The following ZNF638 variants were observed in gnomAD, a reference collection of about 807,000 sequenced individuals.
ZNF638 encodes CTCL tumor antigen se33-1.
ZNF638 carries 46 observed loss-of-function variants against 195.6 expected under a neutral mutation model. The observed-to-expected ratio is 0.24, with a 90% CI of 0.19 to 0.30. The LOEUF (loss-of-function observed/expected upper bound fraction) is 0.30. Ranked by LOEUF, ZNF638 falls within the 10% of genes least tolerant of loss-of-function variation. The pLI, the probability that ZNF638 is intolerant of heterozygous loss-of-function variation, is 1.00. For missense variants in ZNF638, 2,440 were observed against 2,325.3 expected (o/e 1.05, Z -1.01); for synonymous variants, 845 against 772.0 (o/e 1.09, Z -1.57).
intron 20 of ZNF638, among the ~76,000 whole-genome samples, chr2:71,418,012 G>A (rs1007848870): frequency 6.6e-6 from 1 of 152,142 alleles, no homozygotes; most frequent in South Asian, 2.1e-4. Context: ...TTGCCATTTT[G>A]TTCACTGATG....
rs747687878 is a variant in ZNF638, at chr2:71,355,679, G to A, written c.1318-40G>A. On this transcript the variant is annotated intron_variant, in intron 2 of 27. Transcript: ENST00000264447. ...AAGCCTAATTCATTAGTCAACATGA[G>A]GAATATTCTAATTTCAACACTTTTC... 3.8e-6 allele frequency: 5 copies of A among 1,306,184 alleles called. No individual in the cohort carries two copies. The East Asian group carries it at 9.8e-5, about 25-fold the overall frequency. The allele number at this position is 1,306,184 out of a possible 1,614,324, so 80.9% of individuals were successfully genotyped here.
chr2:71,408,809 C>A, intron 20 of ZNF638: 1 of 371,226 alleles, frequency 2.7e-6, no homozygotes, highest in South Asian at 2.2e-5. Context: ...ATGTGGTGTC[C>A]TTGTGTTGTC....
At chr2:71,389,563 A>C (rs933683804) in intron 10 of ZNF638, among the ~76,000 whole-genome samples, 1 of 152,150 alleles carries the variant, frequency 6.6e-6, no homozygotes, top group African/African-American at 2.4e-5. Flanking sequence ...CGGGCAAAAC[A>C]TAACAGCTGC....
At chr2:71,421,024 A>G (rs184525889) in intron 21 of ZNF638, among the ~76,000 whole-genome samples, 34 of 152,272 alleles carry the variant, frequency 2.2e-4, no homozygotes, top group Middle Eastern at 6.8e-3. Context: ...TGAAGGGGAA[A>G]GTCTTGCTAT....
intron 27 of ZNF638, chr2:71,433,517 A>G (rs1558892028): frequency 2.6e-6 from 1 of 390,828 alleles, no homozygotes; most frequent in Non-Finnish European, 4.6e-6. Flanking sequence ...CTAGTCTCAT[A>G]TGACACTCCA....
At chr2:71,335,629 G>A (rs866393142) in intron 1 of ZNF638, among the ~76,000 whole-genome samples, 40 of 152,106 alleles carry the variant, frequency 2.6e-4, no homozygotes, top group African/African-American at 9.7e-4. Flanking sequence ...TCATGTGCCT[G>A]TCCAGTTTCA....
chr2:71,370,148 T>G, intron 8 of ZNF638, 143 bp downstream of exon 8: 1 of 953,528 alleles, frequency 1.0e-6, no homozygotes, highest in South Asian at 1.7e-5. Flanking sequence ...TCAAGTATGT[T>G]GAAATTAAAA....
At chr2:71,363,814 TTTTTG>T in intron 4 of ZNF638, 135 bp from the exon 5 acceptor site, 1 of 1,002,126 alleles carries the variant, frequency 1.0e-6, no homozygotes, top group Non-Finnish European at 1.4e-6. Context: ...AACAAACAGA[TTTTTG>T]TTTTAAGTAC....
chr2:71,376,673 T>A (rs1463402442), intron 8 of ZNF638, among the ~76,000 whole-genome samples: 1 of 151,596 alleles, frequency 6.6e-6, no homozygotes, highest in Non-Finnish European at 1.5e-5. Context: ...TGTAACATCT[T>A]CTCCATTTTG....
rs144684749 is a variant in ZNF638 at position 71,356,081 on chromosome 2, C to T, written c.1379+301C>T. ...CTTTTATCTATATCAGAGCAGGTAT[C>T]CTTTCTTCTCCTATCTCCACCTCTT... On this transcript the variant is annotated intron_variant, in intron 3 of 27. Coordinates refer to ENST00000264447, the MANE Select transcript of ZNF638 (RefSeq NM_014497.5). Among the ~76,000 whole-genome samples, 1,261 of 152,322 alleles carry T rather than the reference C, an allele frequency of 8.3e-3. 5 individuals are homozygous for T. The highest frequency in any genetic ancestry group is 0.014 in the Admixed American group (220 of 15,292).
intron 6 of ZNF638, among the ~76,000 whole-genome samples, chr2:71,367,510 A>G (rs1573058591): frequency 6.8e-6 from 1 of 146,540 alleles, no homozygotes; most frequent in East Asian, 2.0e-4. Context: ...CTTGGCTCAC[A>G]CAACCTCCGC....
chr2:71,372,926 T>G (rs1028468135), intron 8 of ZNF638, among the ~76,000 whole-genome samples: 8 of 152,218 alleles, frequency 5.3e-5, no homozygotes, highest in African/African-American at 1.9e-4. Context: ...CCTTACTGAT[T>G]GATATTTAGG....
chr2:71,400,211 T>C, intron 14 of ZNF638, 31 bp downstream of exon 14: 1 of 1,554,086 alleles, frequency 6.4e-7, no homozygotes, highest in Non-Finnish European at 8.8e-7. Flanking sequence ...TTTTGTTCTT[T>C]ACTTATTTTA....
At chr2:71,399,818 C>T (rs950473313) in intron 13 of ZNF638, among the ~76,000 whole-genome samples, 173 bp downstream of exon 13, 3 of 152,116 alleles carry the variant, frequency 2.0e-5, no homozygotes, top group African/African-American at 7.2e-5. Flanking sequence ...GTTATTTTTC[C>T]TGATCCTCTC....
chr2:71,359,346 G>A (rs2079072407), intron 3 of ZNF638, among the ~76,000 whole-genome samples: 1 of 152,194 alleles, frequency 6.6e-6, no homozygotes, highest in Non-Finnish European at 1.5e-5. Flanking sequence ...GATGCAAGTT[G>A]CATAAGACTT....
Position 71,427,087 on chromosome 2 carries a change from C to A in ZNF638, c.5218C>A (p.Gln1740Lys), listed in dbSNP as rs774173626. 2 of 1,614,140 alleles carry A rather than the reference C, an allele frequency of 1.2e-6. No homozygotes were observed. Among genetic ancestry groups the A allele is most frequent in the Admixed American group, 3.3e-5 (2 of 60,028 alleles). ...PSTLVTVDEI[Q>K]DDSSDLHLVT... ...TACTTTAGTTACTGTAGATGAAATA[C>A]AAGATGACAGCAGTGATTTGCATTT... is the stretch of plus-strand genomic sequence containing the variant. Residue 1740 changes from glutamine (Q) to lysine (K), a missense_variant, in exon 24 of 28, where the codon CAA becomes AAA. By Grantham distance (53) the Gln-to-Lys change is moderately conservative. This residue lies in a region of ZNF638 where 1,883 missense variants were observed against 1,739.1 expected (regional missense o/e 1.08). Transcript: ENST00000264447.
chr2:71,434,388 T>C lies in ZNF638; in HGVS notation c.5872-354T>C, dbSNP rs140744078. On this transcript the variant is annotated intron_variant, in intron 27 of 27. Transcript: ENST00000264447. ...AGCTAAGTAGAACCCCCAAAAAAGT[T>C]CAGCCTCAATTACGTTGTTGCACTG... Among the ~76,000 whole-genome samples, 853 of 152,326 alleles carry C rather than the reference T, an allele frequency of 5.6e-3. 6 individuals are homozygous for C. The highest frequency in any genetic ancestry group is 0.019 in the African/African-American group (810 of 41,568).
intron 24 of ZNF638, among the ~76,000 whole-genome samples, chr2:71,427,971 C>T (rs762335265): frequency 5.3e-5 from 8 of 152,042 alleles, no homozygotes; most frequent in East Asian, 1.9e-4. Context: ...GTGGGAGGAT[C>T]GCTTGAGGCC....
chr2:71,369,996 A>G lies in ZNF638; in HGVS notation c.2256A>G (p.Lys752=). The change falls in exon 8 of 28, where the codon AAA becomes AAG. Residue 752 remains lysine (K), a synonymous_variant. Coordinates refer to ENST00000264447, the MANE Select transcript of ZNF638 (RefSeq NM_014497.5). The stretch of plus-strand genomic sequence containing the variant: ...TGAAAATATGTGTTCCAGGAAAGAA[A>G]AAAGCACAGGTAATCTGGATTTAGG... The part of the protein sequence containing the change: ...KSVKICVPGK[K]KAQNKEVKKK... The G allele has an allele frequency of 1.0e-5, 16 of 1,592,352 alleles. No individual in the cohort carries two copies. Among genetic ancestry groups the G allele is most frequent in the Non-Finnish European group, 1.3e-5 (15 of 1,174,244 alleles).
Sources: allele counts gnomAD v4.1 joint callset (sites outside exome capture counted in the v4.1 genomes callset), GRCh38; gene constraint gnomAD v4.1.1; regional missense constraint gnomAD v4.1.1; transcripts MANE v1.5; gene names NCBI Gene and HGNC (gene_info 2026-07-23, HGNC 2026-07-21).